The following NIPBL variants were observed in gnomAD, a reference collection of about 807,000 sequenced individuals.
NIPBL encodes nipped-B-like protein.
A neutral mutation model predicts 321.8 loss-of-function variants in NIPBL; 19 were observed. The ratio of observed to expected loss-of-function variants is 0.06; its 90% CI spans 0.04 to 0.09. The LOEUF is 0.09. NIPBL is among the 10% of genes least tolerant of loss of function. The probability of loss-of-function intolerance (pLI) is 1.00; values close to 1 mark genes in which losing one functional copy is unlikely to be tolerated. For missense variants in NIPBL, 2,210 were observed against 3,327.0 expected (o/e 0.66, Z 8.26); for synonymous variants, 1,106 against 1,114.1 (o/e 0.99, Z 0.14).
intron 12 of NIPBL, 68 bp downstream of exon 12, chr5:37,000,638 A>G (rs2149669491): frequency 1.3e-6 from 2 of 1,503,936 alleles, no homozygotes; most frequent in Non-Finnish European, 1.8e-6. Context: ...ACTTTGAAGA[A>G]TATTTTATAT....
chr5:36,877,045 C>A lies in NIPBL; in HGVS notation c.-213C>A. ...ACGATTTGTCTTCTCGGCTGGTCTC[C>A]CCCCGGCTCTACATGTTCCCCGCAC... On this transcript the variant is annotated 5_prime_UTR_variant, in exon 1 of 47. Transcript: ENST00000282516. 2.8e-6 allele frequency: 1 copy of A among 360,122 alleles called. No homozygotes were observed. Among genetic ancestry groups the A allele is most frequent in the East Asian group, 4.2e-5 (1 of 24,044 alleles). The allele number at this position is 360,122 out of a possible 1,614,324, so 22.3% of individuals were successfully genotyped here.
At chr5:37,061,359 C>T (rs74562035) in intron 45 of NIPBL, among the ~76,000 whole-genome samples, 1,794 of 152,210 alleles carry the variant, frequency 0.012, 33 homozygotes, top group African/African-American at 0.041. Flanking sequence ...CCCAAATCCT[C>T]CGATATTCAA....
Position 37,019,300 on chromosome 5 carries a change from TTATTC to T in NIPBL, c.4921-7_4921-3del. ...AATATCTTTTTTGTTCTTATTTGGTTTATTCTATAGGTTTCAGGAGGGGAAGATGA... is the reference window on the plus strand; with the variant it reads ...AATATCTTTTTTGTTCTTATTTGGTTTATAGGTTTCAGGAGGGGAAGATGA... On this transcript the variant is annotated splice_region_variant and splice_polypyrimidine_tract_variant and intron_variant, in intron 24 of 46. Coordinates refer to ENST00000282516, the MANE Select transcript of NIPBL (RefSeq NM_133433.4). 1.3e-6 allele frequency: 2 copies of T among 1,578,768 alleles called. No individual in the cohort carries two copies. The highest frequency in any genetic ancestry group is 1.7e-5 in the Admixed American group (1 of 59,972).
At position 36,995,920 on chromosome 5, in the gene NIPBL, C is replaced by A. The variant is rs919148514; in HGVS notation, c.3304+116C>A. The stretch of plus-strand genomic sequence containing the variant: ...GCACAGTCACCTTAATTCTTAATAA[C>A]ACAGTATAGTAAGTTTTTTTCTCTA... On this transcript the variant is annotated intron_variant, in intron 11 of 46. Transcript: ENST00000282516. 9.2e-6 allele frequency: 8 copies of A among 865,822 alleles called. No individual in the cohort carries two copies. In the East Asian group the frequency reaches 2.1e-4, roughly 23 times the overall value. 53.6% of individuals were successfully genotyped at this position (865,822 alleles called of 1,614,324 possible).
chr5:37,034,218 G>C (rs1233505231), intron 32 of NIPBL, among the ~76,000 whole-genome samples: 1 of 152,092 alleles, frequency 6.6e-6, no homozygotes, highest in Non-Finnish European at 1.5e-5. Flanking sequence ...GGAGAAGTCA[G>C]ACAATCACAA....
intron 6 of NIPBL, among the ~76,000 whole-genome samples, chr5:36,965,662 A>G (rs901652059): frequency 2.0e-5 from 3 of 152,118 alleles, no homozygotes; most frequent in Non-Finnish European, 4.4e-5. Flanking sequence ...AGCTGGAAGA[A>G]GATAATTTGA....
chr5:36,917,340 T>C (rs1158992321), intron 1 of NIPBL, among the ~76,000 whole-genome samples: 2 of 152,178 alleles, frequency 1.3e-5, no homozygotes, highest in African/African-American at 4.8e-5. Flanking sequence ...GATGGGGTTG[T>C]TTTTTTCTTG....
intron 44 of NIPBL, among the ~76,000 whole-genome samples, chr5:37,060,238 A>G (rs913073884): frequency 6.6e-6 from 1 of 152,214 alleles, no homozygotes; most frequent in Non-Finnish European, 1.5e-5. Flanking sequence ...GCAGTTATGC[A>G]ATCATAAACT....
chr5:37,044,020 G>A (rs1442553426), intron 34 of NIPBL, among the ~76,000 whole-genome samples: 1 of 152,082 alleles, frequency 6.6e-6, no homozygotes, highest in African/African-American at 2.4e-5. Flanking sequence ...AATACTAATC[G>A]TAAAAACTGT....
intron 34 of NIPBL, among the ~76,000 whole-genome samples, chr5:37,042,684 G>T (rs879776558): frequency 6.6e-6 from 1 of 151,678 alleles, no homozygotes; most frequent in Non-Finnish European, 1.5e-5. Context: ...CCATATTCCC[G>T]ACATGCTGGT....
chr5:37,059,170 G>T lies in NIPBL; in HGVS notation c.7685+5G>T. The T allele has an allele frequency of 6.2e-7, 1 of 1,613,932 alleles. No individual in the cohort carries two copies. Among genetic ancestry groups the T allele is most frequent in the Non-Finnish European group, 8.5e-7 (1 of 1,179,904 alleles). ...TCTTTGTGGATTTTCTGATAGGTAA[G>T]GTTACATAAGCAGTGAGAGAAAAAA... is the stretch of plus-strand genomic sequence containing the variant. On this transcript the variant is annotated splice_donor_5th_base_variant and intron_variant, in intron 44 of 46. Transcript: ENST00000282516.
At chr5:36,895,354 C>G (rs762545714) in intron 1 of NIPBL, among the ~76,000 whole-genome samples, 2 of 152,176 alleles carry the variant, frequency 1.3e-5, no homozygotes, top group Non-Finnish European at 2.9e-5. Context: ...CCACATTTTA[C>G]TTTTGCTTTG....
chr5:37,025,736 A>G (rs1173753828), intron 30 of NIPBL, among the ~76,000 whole-genome samples: 1 of 152,230 alleles, frequency 6.6e-6, no homozygotes. Flanking sequence ...TGATTTGATC[A>G]TTATACATTG....
At chr5:37,013,190 C>CCGGA (rs1748417057) in intron 21 of NIPBL, among the ~76,000 whole-genome samples, 1 of 151,204 alleles carries the variant, frequency 6.6e-6, no homozygotes, top group Non-Finnish European at 1.5e-5. Flanking sequence ...CACCTCCCTC[C>CCGGA]CGGACGGGGC....
In NIPBL at chr5:36,980,434, C is replaced by T. The variant is rs77015510; in HGVS notation, c.1495+4032C>T. On this transcript the variant is annotated intron_variant, in intron 9 of 46. Coordinates refer to ENST00000282516, the MANE Select transcript of NIPBL (RefSeq NM_133433.4). The stretch of plus-strand genomic sequence containing the variant: ...CTCTTATTTCGTGGATTTATAGTCA[C>T]GTATCACATAATGATGTTTCATTTC... 4.5e-3 allele frequency among the ~76,000 whole-genome samples: 690 copies of T among 151,736 alleles called. 4 individuals carry two copies. The highest frequency in any genetic ancestry group is 0.016 in the African/African-American group (666 of 41,484).
At chr5:36,957,582 T>C (rs1412440279) in intron 3 of NIPBL, among the ~76,000 whole-genome samples, 2 of 152,234 alleles carry the variant, frequency 1.3e-5, no homozygotes, top group Admixed American at 6.5e-5. Flanking sequence ...GGGCTTTTTT[T>C]CTCTTGACTG....
At chr5:36,933,760 T>C (rs974833154) in intron 1 of NIPBL, among the ~76,000 whole-genome samples, 2 of 152,132 alleles carry the variant, frequency 1.3e-5, no homozygotes, top group African/African-American at 4.8e-5. Flanking sequence ...TCCTTGCTCC[T>C]TCATCAACTA....
At position 37,000,487 on chromosome 5, in the gene NIPBL, G is replaced by A. The variant is rs1430744374; in HGVS notation, c.3419G>A (p.Ser1140Asn). The A allele has an allele frequency of 1.9e-6, 3 of 1,613,364 alleles. No individual in the cohort carries two copies. Among genetic ancestry groups the A allele is most frequent in the African/African-American group, 2.7e-5 (2 of 74,890 alleles). The change falls in exon 12 of 47, where the codon AGT becomes AAT. Residue 1140 changes from serine (S) to asparagine (N), a missense_variant. By Grantham distance (46) the Ser-to-Asn change is conservative. Transcript: ENST00000282516. Reference sequence around the variant, plus strand: ...GGCCACTCTCATGAAGGAAGAAGGAGTTCAGGTGGTGGTCGTTATCGAAAC... The same window carrying A: ...GGCCACTCTCATGAAGGAAGAAGGAATTCAGGTGGTGGTCGTTATCGAAAC... ...RSGHSHEGRR[S>N]SGGGRYRNRS...
intron 1 of NIPBL, among the ~76,000 whole-genome samples, chr5:36,930,449 G>T (rs558373267): frequency 6.6e-6 from 1 of 152,008 alleles, no homozygotes; most frequent in Admixed American, 6.5e-5. Context: ...TTGTTCGTTG[G>T]TGGTTTCTTA....
Sources: gnomAD v4.1 joint callset for allele counts (sites outside exome capture counted in the v4.1 genomes callset) on GRCh38, gnomAD v4.1.1 for gene constraint, MANE v1.5 for transcripts, NCBI Gene and HGNC (gene_info 2026-07-23, HGNC 2026-07-21) for gene names.